The following TRPM1 variants were observed in gnomAD, a reference collection of about 807,000 sequenced individuals.
The protein encoded by TRPM1 is TRPM1-203 APA Isoform, Intron 10.
Under a neutral mutation model 149.4 loss-of-function variants are expected in TRPM1, and 113 were observed. The observed-to-expected ratio is 0.76, with a 90% CI of 0.65 to 0.88. The LOEUF is 0.88. Ranked by LOEUF, TRPM1 falls within the 40% of genes least tolerant of loss-of-function variation. The pLI, the probability that TRPM1 is intolerant of heterozygous loss-of-function variation, is 0.00. For missense variants in TRPM1, 1,976 were observed against 2,038.7 expected, an observed-to-expected ratio of 0.97 and a Z score of 0.59; for synonymous variants, 741 against 759.5, an observed-to-expected ratio of 0.98 and a Z score of 0.40.
chr15:31,041,624 C>G (rs1003117645), intron 17 of TRPM1, among the ~76,000 whole-genome samples: 1 of 152,166 alleles, frequency 6.6e-6, no homozygotes, highest in African/African-American at 2.4e-5. Context: ...GGCACAGGCT[C>G]ATTAATGTTG....
chr15:31,106,436 G>A (rs1295142340), upstream of TRPM1, among the ~76,000 whole-genome samples: 1 of 151,946 alleles, frequency 6.6e-6, no homozygotes, highest in Admixed American at 6.6e-5. Context: ...ACGCCTGGCC[G>A]CCACAAGTAA....
intron 8 of TRPM1, 61 bp from the exon 9 acceptor site, chr15:31,062,763 C>A: frequency 1.3e-6 from 2 of 1,567,236 alleles, no homozygotes; most frequent in South Asian, 2.2e-5. Context: ...ATGAATGAGT[C>A]AGACATATCT....
chr15:31,151,026 G>T (rs541125292), intron 1 of TRPM1, among the ~76,000 whole-genome samples: 1 of 152,166 alleles, frequency 6.6e-6, no homozygotes, highest in Non-Finnish European at 1.5e-5. Context: ...TTGGTTTCTT[G>T]TAAAAGCGTT....
intron 1 of TRPM1, among the ~76,000 whole-genome samples, chr15:31,141,420 C>T (rs2036160578): frequency 6.6e-6 from 1 of 151,876 alleles, no homozygotes; most frequent in Non-Finnish European, 1.5e-5. Flanking sequence ...GAGGATATAC[C>T]TTTGTTAAAG....
intron 1 of TRPM1, among the ~76,000 whole-genome samples, chr15:31,156,114 T>C (rs1483995132): frequency 2.8e-5 from 4 of 144,862 alleles, no homozygotes; most frequent in East Asian, 2.1e-4. Flanking sequence ...CAAGAATCAG[T>C]TGAACCTGGG....
At chr15:31,126,525 C>G (rs2035953663) in intron 1 of TRPM1, among the ~76,000 whole-genome samples, 1 of 152,280 alleles carries the variant, frequency 6.6e-6, no homozygotes, top group African/African-American at 2.4e-5. Context: ...CCTATGGTCT[C>G]TTAGAGTGGG....
chr15:31,139,331 G>A (rs28368894), intron 1 of TRPM1, among the ~76,000 whole-genome samples: 1,832 of 152,166 alleles, frequency 0.012, 17 homozygotes, highest in Non-Finnish European at 0.019. Context: ...TACAAATTTG[G>A]TGTTGCCTAG....
chr15:31,056,573 G>A (rs991858186), intron 11 of TRPM1, among the ~76,000 whole-genome samples: 3 of 152,194 alleles, frequency 2.0e-5, no homozygotes, highest in African/African-American at 7.2e-5. Flanking sequence ...GCTGTGGTTT[G>A]AAAGTGTCCC....
At chr15:31,053,304 G>A (rs2033997911) in intron 11 of TRPM1, among the ~76,000 whole-genome samples, 1 of 152,062 alleles carries the variant, frequency 6.6e-6, no homozygotes. Context: ...AGGCTGGAGT[G>A]CAGTGGCACG....
intron 1 of TRPM1, among the ~76,000 whole-genome samples, chr15:31,116,583 C>T (rs1014796314): frequency 2.1e-5 from 3 of 145,220 alleles, no homozygotes; most frequent in Admixed American, 1.4e-4. Context: ...GCCTGGCCAA[C>T]GAGAGCAAAA....
chr15:31,067,780 A>C, intron 5 of TRPM1, 99 bp downstream of exon 5: 1 of 1,159,826 alleles, frequency 8.6e-7, no homozygotes, highest in Non-Finnish European at 1.3e-6. Context: ...TCAGGATGCA[A>C]TATGTTTTGT....
intron 1 of TRPM1, among the ~76,000 whole-genome samples, chr15:31,159,557 C>T (rs117753375): frequency 2.0e-5 from 3 of 152,322 alleles, no homozygotes; most frequent in Non-Finnish European, 4.4e-5. Flanking sequence ...CTCACACATG[C>T]GCACAAAAGC....
chr15:31,026,468 G>C, intron 26 of TRPM1, 197 bp from the exon 27 acceptor site: 1 of 694,788 alleles, frequency 1.4e-6, no homozygotes. Flanking sequence ...GGAGCCAAAC[G>C]GCCCGCTTTT....
chr15:31,088,422 C>G (rs2035068260), intron 1 of TRPM1, among the ~76,000 whole-genome samples: 1 of 152,148 alleles, frequency 6.6e-6, no homozygotes. Flanking sequence ...GGGTTGGCAC[C>G]ACCTTTAAGA....
chr15:31,140,095 G>A lies in TRPM1; in HGVS notation c.54+20811C>T, dbSNP rs554796502. On this transcript the variant is annotated intron_variant, in intron 1 of 26. Coordinates refer to the TRPM1 transcript ENST00000542188. ...TGAAATTTGATTCTTGGCTGGGCAC[G>A]GTGGCTCATGCCTGTAATCCTAGCA... Among the ~76,000 whole-genome samples, 13 of 152,080 alleles carry A rather than the reference G, an allele frequency of 8.5e-5. No individual in the cohort carries two copies. The South Asian group carries it at 2.3e-3, about 27-fold the overall frequency.
chr15:31,106,644 C>T (rs137865538), upstream of TRPM1, among the ~76,000 whole-genome samples: 961 of 152,128 alleles, frequency 6.3e-3, 13 homozygotes, highest in African/African-American at 0.022. Context: ...CTGTGTGGCC[C>T]GAATCCCTGA....
chr15:31,135,798 C>G (rs1186329120), intron 1 of TRPM1, among the ~76,000 whole-genome samples: 1 of 152,128 alleles, frequency 6.6e-6, no homozygotes, highest in Non-Finnish European at 1.5e-5. Context: ...TCTGCACACA[C>G]CGGCTCCTCT....
intron 25 of TRPM1, among the ~76,000 whole-genome samples, chr15:31,027,897 A>G (rs2032860875): frequency 6.6e-6 from 1 of 152,170 alleles, no homozygotes; most frequent in African/African-American, 2.4e-5. Context: ...TTTTTTTCTT[A>G]GGCCATTTTA....
At chr15:31,018,818 G>A (rs1363267899) in intron 27 of TRPM1, among the ~76,000 whole-genome samples, 1 of 152,190 alleles carries the variant, frequency 6.6e-6, no homozygotes, top group Non-Finnish European at 1.5e-5. Context: ...CACTACACCC[G>A]GCTAATTTTG....
Sources: allele counts gnomAD v4.1 joint callset (sites outside exome capture counted in the v4.1 genomes callset), GRCh38; gene constraint gnomAD v4.1.1; transcripts MANE v1.5; gene names NCBI Gene and HGNC (gene_info 2026-07-23, HGNC 2026-07-21).